The following METTL15 variants were observed in gnomAD, a reference collection of about 807,000 sequenced individuals.
METTL15 encodes methyltransferase 15, mitochondrial 12S rRNA N4-cytidine.
METTL15 carries 34 observed loss-of-function variants against 38.3 expected under a neutral mutation model. The ratio of observed to expected loss-of-function variants is 0.89; its 90% CI spans 0.68 to 1.18. The LOEUF is 1.18. METTL15 is among the 50% of genes most tolerant of loss of function. METTL15 has a pLI of 0.00. For synonymous variants in METTL15, 162 were observed against 170.9 expected (o/e 0.95, Z 0.41); for missense variants, 438 against 498.4 (o/e 0.88, Z 1.15).
In METTL15 at chr11:28,333,162, G is replaced by A. The variant is rs1849863136; in HGVS notation, c.*2321G>A. 6.6e-6 allele frequency: 1 copy of A among 151,588 alleles called. No individual in the cohort carries two copies. Among genetic ancestry groups the A allele is most frequent in the Non-Finnish European group, 1.5e-5 (1 of 67,980 alleles). 9.4% of individuals were successfully genotyped at this position (151,588 alleles called of 1,614,324 possible). A position where few individuals can be genotyped will look rare whatever the true frequency, so the allele number is the denominator to read the frequency against. On this transcript the variant is annotated 3_prime_UTR_variant, in exon 7 of 7. Transcript: ENST00000407364. ...GAGAATGTATTTCTGCTGTTTTAAG[G>A]TACCCAGTTCATGGTAATTTGTTAC...
intron 3 of METTL15, among the ~76,000 whole-genome samples, chr11:28,184,252 T>A (rs1374005078): frequency 6.6e-6 from 1 of 152,080 alleles, no homozygotes; most frequent in Non-Finnish European, 1.5e-5. Context: ...TTTGTGTCTC[T>A]ATCTCCTTCA....
At chr11:28,173,825 AGG>A (rs1850947921) in intron 3 of METTL15, among the ~76,000 whole-genome samples, 1 of 152,188 alleles carries the variant, frequency 6.6e-6, no homozygotes, top group Non-Finnish European at 1.5e-5. Flanking sequence ...GTATACAATC[AGG>A]TATTTTGTAG....
At chr11:28,434,299 C>A (rs1179244290) in intron 6 of METTL15, among the ~76,000 whole-genome samples, 4 of 152,192 alleles carry the variant, frequency 2.6e-5, no homozygotes, top group African/African-American at 9.7e-5. Context: ...GCCTGCCCAG[C>A]CATGCTGAAC....
intron 6 of METTL15, among the ~76,000 whole-genome samples, chr11:28,499,269 A>G (rs574603429): frequency 6.6e-6 from 1 of 152,256 alleles, no homozygotes; most frequent in African/African-American, 2.4e-5. Context: ...ATAGTGCTTG[A>G]GGAGTGTTTC....
chr11:28,187,398 G>C (rs1851536132), intron 3 of METTL15, among the ~76,000 whole-genome samples: 2 of 150,962 alleles, frequency 1.3e-5, no homozygotes, highest in African/African-American at 2.4e-5. Flanking sequence ...TAAAATGGAT[G>C]AGGTAGATCT....
At chr11:28,451,996 T>C (rs1851127371) in intron 6 of METTL15, among the ~76,000 whole-genome samples, 1 of 152,228 alleles carries the variant, frequency 6.6e-6, no homozygotes, top group Non-Finnish European at 1.5e-5. Flanking sequence ...ATGAGCCTGT[T>C]AGTGGTTAGT....
At chr11:28,363,885 ATTC>A (rs1302165926) in intron 5 of METTL15, among the ~76,000 whole-genome samples, 1 of 152,184 alleles carries the variant, frequency 6.6e-6, no homozygotes, top group Non-Finnish European at 1.5e-5. Flanking sequence ...GTCCAGTTTT[ATTC>A]TTCTGCATAT....
chr11:28,134,815 A>G (rs576457471), intron 3 of METTL15, among the ~76,000 whole-genome samples: 81 of 152,344 alleles, frequency 5.3e-4, no homozygotes, highest in African/African-American at 1.8e-3. Context: ...AAGGCTGCCA[A>G]TGTGCTCAGA....
chr11:28,245,700 C>T (rs552031567), intron 4 of METTL15, among the ~76,000 whole-genome samples: 1 of 152,256 alleles, frequency 6.6e-6, no homozygotes, highest in South Asian at 2.1e-4. Context: ...CATTGACTAT[C>T]AGTTCCATAG....
intron 3 of METTL15, among the ~76,000 whole-genome samples, chr11:28,176,577 G>A (rs1851084113): frequency 6.6e-6 from 1 of 152,122 alleles, no homozygotes; most frequent in African/African-American, 2.4e-5. Context: ...TACCTAATAA[G>A]TATTTCTTAT....
chr11:28,229,590 A>T (rs905721310), intron 4 of METTL15, among the ~76,000 whole-genome samples: 2 of 152,002 alleles, frequency 1.3e-5, no homozygotes, highest in Admixed American at 1.3e-4. Flanking sequence ...GATTGCAGGG[A>T]GTTGCTTTGT....
Position 28,152,114 on chromosome 11 carries a change from C to T in METTL15, c.270+38510C>T, listed in dbSNP as rs143310744. ...TTCCCTTCTGTCTCCTGGACCACAC[C>T]TGCTACTTTATATACATTTTAGACA... On this transcript the variant is annotated intron_variant, in intron 3 of 6. Coordinates refer to ENST00000407364, the MANE Select transcript of METTL15 (RefSeq NM_001113528.2). Among the ~76,000 whole-genome samples, 660 of 152,130 alleles carry T rather than the reference C, an allele frequency of 4.3e-3. 8 individuals carry two copies. The highest frequency in any genetic ancestry group is 0.014 in the African/African-American group (597 of 41,540).
At position 28,385,919 on chromosome 11, in the gene METTL15, A is replaced by G. The variant is rs569767325; in HGVS notation, c.*358+23883A>G. 2.6e-5 allele frequency among the ~76,000 whole-genome samples: 4 copies of G among 152,272 alleles called. No homozygotes were observed. In the South Asian group the frequency reaches 8.3e-4, roughly 32 times the overall value. ...TGCATACAATTTAAAAGATAAAAGCATAACAAATAGCTGTAATTGTAAAAT... is the reference window on the plus strand; with the variant it reads ...TGCATACAATTTAAAAGATAAAAGCGTAACAAATAGCTGTAATTGTAAAAT... On this transcript the variant is annotated intron_variant and NMD_transcript_variant, in intron 5 of 7. Coordinates refer to the METTL15 transcript ENST00000532947.
intron 4 of METTL15, among the ~76,000 whole-genome samples, chr11:28,275,752 T>G (rs1041410094): frequency 6.6e-6 from 1 of 151,860 alleles, no homozygotes; most frequent in Non-Finnish European, 1.5e-5. Context: ...TTCACCATGA[T>G]TAAGTGAGAT....
At position 28,332,721 on chromosome 11, in the gene METTL15, A is replaced by T. The variant is rs1436352872; in HGVS notation, c.*1880A>T. 1.3e-5 allele frequency: 2 copies of T among 151,766 alleles called. No homozygotes were observed. Among genetic ancestry groups the T allele is most frequent in the Non-Finnish European group, 2.9e-5 (2 of 68,100 alleles). 9.4% of individuals were successfully genotyped at this position (151,766 alleles called of 1,614,324 possible). A position where few individuals can be genotyped will look rare whatever the true frequency, so the allele number is the denominator to read the frequency against. ...GTAATCCCAGCACTGTGGGAGGCCAAGCCAGGCAAATCGCTTGAGGCTGAG... is the reference window on the plus strand; with the variant it reads ...GTAATCCCAGCACTGTGGGAGGCCATGCCAGGCAAATCGCTTGAGGCTGAG... On this transcript the variant is annotated 3_prime_UTR_variant, in exon 7 of 7. Coordinates refer to ENST00000407364, the MANE Select transcript of METTL15 (RefSeq NM_001113528.2).
downstream of METTL15, among the ~76,000 whole-genome samples, chr11:28,337,852 T>G (rs551663417): frequency 2.4e-4 from 36 of 152,268 alleles, 2 homozygotes; most frequent in South Asian, 7.5e-3. Context: ...TAGGTTTATG[T>G]AAGTACACTG....
intron 6 of METTL15, among the ~76,000 whole-genome samples, chr11:28,435,757 A>G (rs1035503096): frequency 6.6e-6 from 1 of 152,222 alleles, no homozygotes; most frequent in African/African-American, 2.4e-5. Flanking sequence ...TCACACCTTT[A>G]CTATTCTTCT....
At chr11:28,419,520 T>G (rs1850802170) in intron 5 of METTL15, among the ~76,000 whole-genome samples, 1 of 152,146 alleles carries the variant, frequency 6.6e-6, no homozygotes, top group African/African-American at 2.4e-5. Context: ...TTTGAATACC[T>G]GGAAAGCCTT....
chr11:28,233,251 T>C (rs1183074191), intron 4 of METTL15, among the ~76,000 whole-genome samples: 3 of 152,208 alleles, frequency 2.0e-5, no homozygotes, highest in South Asian at 2.1e-4. Context: ...CTTAATAACA[T>C]AGATAATAAT....
Sources: gnomAD v4.1 joint callset for allele counts (sites outside exome capture counted in the v4.1 genomes callset) on GRCh38, gnomAD v4.1.1 for gene constraint, MANE v1.5 for transcripts, NCBI Gene and HGNC (gene_info 2026-07-23, HGNC 2026-07-21) for gene names.